SLC6A3: variants seen among roughly 807,000 people sequenced by gnomAD.
The protein encoded by SLC6A3 is solute carrier family 6 member 3.
SLC6A3 carries 19 observed loss-of-function variants against 70.4 expected under a neutral mutation model. That is an observed-to-expected ratio of 0.27 (90% confidence interval 0.19 to 0.40). The LOEUF (loss-of-function observed/expected upper bound fraction) is 0.40. Among genes scored for constraint, SLC6A3 ranks in the 10% least tolerant of loss-of-function variants. SLC6A3 has a pLI of 1.00. For synonymous variants in SLC6A3, 368 were observed against 356.6 expected, an observed-to-expected ratio of 1.03 and a Z score of -0.36; for missense variants, 613 against 838.5, an observed-to-expected ratio of 0.73 and a Z score of 3.32.
intron 1 of SLC6A3, among the ~76,000 whole-genome samples, chr5:1,443,852 T>G (rs373278253): frequency 2.0e-4 from 28 of 137,368 alleles, no homozygotes; most frequent in East Asian, 1.2e-3. Flanking sequence ...TTGTGTGTGT[T>G]TTTTTGTTGT....
rs2126327148 is a variant in SLC6A3 at position 1,404,218 on chromosome 5, G to A, written c.1600-1129C>T. Reference sequence around the variant, plus strand: ...TGTAGGTTTGGAGCCGGCTAGCGGAGGACTGGGATGGGGGCTGGGGTTGTG... The same window carrying A: ...TGTAGGTTTGGAGCCGGCTAGCGGAAGACTGGGATGGGGGCTGGGGTTGTG... On this transcript the variant is annotated intron_variant, in intron 12 of 14. Transcript: ENST00000270349. The surrounding 1 kb of genome is among the most constrained non-coding windows in gnomAD (Gnocchi z 5.2). 6.6e-6 allele frequency among the ~76,000 whole-genome samples: 1 copy of A among 152,360 alleles called. No homozygotes were observed. The highest frequency in any genetic ancestry group is 2.4e-5 in the African/African-American group (1 of 41,584).
chr5:1,394,407 C>T lies in SLC6A3; in HGVS notation c.*328G>A, dbSNP rs27072. 92,659 of 494,750 alleles carry T rather than the reference C, an allele frequency of 0.19. 9,367 individuals are homozygous for T. The highest frequency in any genetic ancestry group is 0.26 in the South Asian group (11,469 of 44,292). 30.6% of individuals were successfully genotyped at this position (494,750 alleles called of 1,614,324 possible). ...AGTGCCCCTGGGGCAGCCTCAGAGC[C>T]GGGAGCAGGGAGCAGGGAGGGAGGG... On this transcript the variant is annotated 3_prime_UTR_variant, in exon 15 of 15. Coordinates refer to ENST00000270349, the MANE Select transcript of SLC6A3 (RefSeq NM_001044.5). The surrounding 1 kb of genome is among the most constrained non-coding windows in gnomAD (Gnocchi z 4.7).
chr5:1,419,207 C>G (rs1270934649), intron 6 of SLC6A3, among the ~76,000 whole-genome samples: 1 of 151,690 alleles, frequency 6.6e-6, no homozygotes, highest in African/African-American at 2.4e-5. Flanking sequence ...ATTCCTCCAT[C>G]CACCCATCCA....
At chr5:1,431,644 G>A (rs1188838429) in intron 4 of SLC6A3, among the ~76,000 whole-genome samples, 4 of 151,480 alleles carry the variant, frequency 2.6e-5, no homozygotes, top group Non-Finnish European at 5.9e-5. Context: ...GGGCCTGGCC[G>A]AGGTGGACAG....
At chr5:1,429,192 G>A (rs984516483) in intron 4 of SLC6A3, among the ~76,000 whole-genome samples, 3 of 152,214 alleles carry the variant, frequency 2.0e-5, no homozygotes, top group African/African-American at 7.2e-5. Context: ...CGTTATGACT[G>A]TCCTCCCTGC....
Position 1,393,089 on chromosome 5 carries a change from C to A in SLC6A3, c.*1646G>T, listed in dbSNP as rs1469561324. 6.6e-6 allele frequency: 1 copy of A among 152,090 alleles called. No individual in the cohort carries two copies. Among genetic ancestry groups the A allele is most frequent in the African/African-American group, 2.4e-5 (1 of 41,350 alleles). 9.4% of individuals were successfully genotyped at this position (152,090 alleles called of 1,614,324 possible). On this transcript the variant is annotated 3_prime_UTR_variant, in exon 15 of 15. Transcript: ENST00000270349. ...CCCCAGAAGGCAATGGGGAAGCCAT[C>A]CTCTGTGCTAACTGCAGCTGCCTGG...
Position 1,411,558 on chromosome 5 carries a change from G to C in SLC6A3, c.1157-203C>G, listed in dbSNP as rs1405631008. On this transcript the variant is annotated intron_variant, in intron 8 of 14. Coordinates refer to ENST00000270349, the MANE Select transcript of SLC6A3 (RefSeq NM_001044.5). The surrounding 1 kb of genome is among the most constrained non-coding windows in gnomAD (Gnocchi z 6.5). ...AGCGGAAACCCAGAACTGATCAGAG[G>C]GCTTTGGTTCATGCCCACCACCCAG... Among the ~76,000 whole-genome samples the C allele has an allele frequency of 6.6e-6, 1 of 152,190 alleles. No homozygotes were observed. The highest frequency in any genetic ancestry group is 1.5e-5 in the Non-Finnish European group (1 of 68,042).
Position 1,416,080 on chromosome 5 carries a change from G to A in SLC6A3, c.1031+18C>T, listed in dbSNP as rs1756283913. 1.3e-6 allele frequency: 2 copies of A among 1,587,670 alleles called. No homozygotes were observed. Among genetic ancestry groups the A allele is most frequent in the African/African-American group, 2.7e-5 (2 of 74,556 alleles). ...CTAGTATTGATGAGGCCCCTGCCTGGCCCTGCTAGGGGCTCACCTGTAGCA... is the reference window on the plus strand; with the variant it reads ...CTAGTATTGATGAGGCCCCTGCCTGACCCTGCTAGGGGCTCACCTGTAGCA... On this transcript the variant is annotated intron_variant, in intron 7 of 14. Transcript: ENST00000270349.
At chr5:1,398,705 G>A (rs1398040830) in intron 14 of SLC6A3, among the ~76,000 whole-genome samples, 3 of 152,198 alleles carry the variant, frequency 2.0e-5, no homozygotes, top group Admixed American at 2.0e-4. Context: ...ACACCTTGGT[G>A]CAACTATATT....
intron 8 of SLC6A3, 114 bp downstream of exon 8, chr5:1,414,577 G>A: frequency 8.0e-7 from 1 of 1,255,470 alleles, no homozygotes; most frequent in Non-Finnish European, 1.1e-6. Context: ...AACTCTCACT[G>A]AAGTCGCTCA....
Position 1,409,096 on chromosome 5 carries a change from G to C in SLC6A3, c.1428C>G (p.Asp476Glu). ...GGATGGACGTGCCGGCTGCAAAATG[G>C]TCCAGGAGCGTGAAGACGTAGATGC... is the stretch of plus-strand genomic sequence containing the variant. Reference protein sequence around the residue: ...NGGIYVFTLLDHFAAGTSILF... With the variant: ...NGGIYVFTLLEHFAAGTSILF... The change falls in exon 11 of 15, where the codon GAC becomes GAG. Residue 476 changes from aspartate (D) to glutamate (E), a missense_variant. Physicochemically the swap from Asp to Glu is conservative, Grantham distance 45. Around this residue, in one of 4 missense-constraint regions of SLC6A3, gnomAD observed 348 missense variants for 481.2 expected, o/e 0.72. Coordinates refer to ENST00000270349, the MANE Select transcript of SLC6A3 (RefSeq NM_001044.5). 1.2e-6 allele frequency: 2 copies of C among 1,612,632 alleles called. No individual in the cohort carries two copies. The highest frequency in any genetic ancestry group is 2.2e-5 in the South Asian group (2 of 90,892).
Position 1,405,390 on chromosome 5 carries a change from G to A in SLC6A3, c.1599+798C>T, listed in dbSNP as rs1276555708. 1.3e-5 allele frequency among the ~76,000 whole-genome samples: 2 copies of A among 152,210 alleles called. No homozygotes were observed. The highest frequency in any genetic ancestry group is 6.5e-5 in the Admixed American group (1 of 15,286). Reference sequence around the variant, plus strand: ...CTGCTGACTCCGGGACCAGCCCTTGGTCCATGAGAGGGTGCGGCCTGAGTC... The same window carrying A: ...CTGCTGACTCCGGGACCAGCCCTTGATCCATGAGAGGGTGCGGCCTGAGTC... On this transcript the variant is annotated intron_variant, in intron 12 of 14. Transcript: ENST00000270349. The surrounding 1 kb of genome is among the most constrained non-coding windows in gnomAD (Gnocchi z 5.3).
At chr5:1,410,666 T>C (rs1756094773) in intron 9 of SLC6A3, among the ~76,000 whole-genome samples, 1 of 152,062 alleles carries the variant, frequency 6.6e-6, no homozygotes. Context: ...TCATTCCTCA[T>C]GGGGTAGCTG....
chr5:1,422,600 A>ACG lies in SLC6A3; in HGVS notation c.654-587_654-586insCG, dbSNP rs1382945552. Among the ~76,000 whole-genome samples the ACG allele has an allele frequency of 3.0e-4, 34 of 113,962 alleles. 1 individual carries two copies. Among genetic ancestry groups the ACG allele is most frequent in the Admixed American group, 3.5e-4 (4 of 11,492 alleles). The allele number at this position is 113,962 out of a possible 152,430, so 74.8% of individuals were successfully genotyped here. ...CGCTGCTGGGTACCCACCGCTGCCC[A>ACG]GTGCTGCCCATGGTGCTGGGTGCCC... On this transcript the variant is annotated intron_variant, in intron 4 of 14. Coordinates refer to ENST00000270349, the MANE Select transcript of SLC6A3 (RefSeq NM_001044.5).
At chr5:1,407,599 C>G (rs1258908666) in intron 11 of SLC6A3, among the ~76,000 whole-genome samples, 1 of 152,224 alleles carries the variant, frequency 6.6e-6, no homozygotes, top group South Asian at 2.1e-4. Flanking sequence ...TAACACAGAT[C>G]TCGGTCTTCT....
chr5:1,422,219 C>T (rs1439270944), intron 4 of SLC6A3, among the ~76,000 whole-genome samples: 1 of 152,238 alleles, frequency 6.6e-6, no homozygotes, highest in Non-Finnish European at 1.5e-5. Flanking sequence ...CCGTGGAGCA[C>T]GTGGGAGGCC....
At chr5:1,410,831 TGTGTGTGTTC>T (rs1261432060) in intron 9 of SLC6A3, among the ~76,000 whole-genome samples, 5 of 151,260 alleles carry the variant, frequency 3.3e-5, no homozygotes, top group East Asian at 2.0e-4. Flanking sequence ...CGTGTGTGCA[TGTGTGTGTTC>T]GTGTGTGTTC....
intron 4 of SLC6A3, among the ~76,000 whole-genome samples, chr5:1,431,237 G>A (rs1000856396): frequency 2.0e-5 from 3 of 152,262 alleles, no homozygotes; most frequent in Non-Finnish European, 4.4e-5. Flanking sequence ...CTGGGTGTCA[G>A]TAACGACCCT....
intron 14 of SLC6A3, among the ~76,000 whole-genome samples, chr5:1,400,568 G>T (rs1755824061): frequency 6.6e-6 from 1 of 152,148 alleles, no homozygotes; most frequent in Non-Finnish European, 1.5e-5. Flanking sequence ...GCCCCCGTGA[G>T]GCGGGGGGTG....
Sources: allele counts gnomAD v4.1 joint callset (sites outside exome capture counted in the v4.1 genomes callset), GRCh38; gene constraint gnomAD v4.1.1; regional missense constraint gnomAD v4.1.1; non-coding constraint Gnocchi (gnomAD v3.1); transcripts MANE v1.5; gene names NCBI Gene and HGNC (gene_info 2026-07-23, HGNC 2026-07-21).